The following TRIM69 variants were observed in gnomAD, a reference collection of about 807,000 sequenced individuals.
The protein encoded by TRIM69 is tripartite motif containing 69.
A neutral mutation model predicts 37.7 loss-of-function variants in TRIM69; 29 were observed. The ratio of observed to expected loss-of-function variants is 0.77; its 90% CI spans 0.57 to 1.05. TRIM69 has a LOEUF of 1.05. Among genes scored for constraint, TRIM69 ranks in the 50% least tolerant of loss-of-function variants. TRIM69 has a pLI of 0.00. For synonymous variants in TRIM69, 209 were observed against 212.4 expected (o/e 0.98, Z 0.14); for missense variants, 596 against 579.9 (o/e 1.03, Z -0.28).
chr15:44,744,153 T>G (rs1457120632), intron 1 of TRIM69, among the ~76,000 whole-genome samples: 13 of 151,178 alleles, frequency 8.6e-5, no homozygotes, highest in African/African-American at 1.7e-4. Flanking sequence ...CATGTCCTTT[T>G]TAGGGACATG....
chr15:44,741,058 A>C (rs2087273074), intron 1 of TRIM69, among the ~76,000 whole-genome samples: 1 of 150,366 alleles, frequency 6.7e-6, no homozygotes, highest in Non-Finnish European at 1.5e-5. Context: ...TTGACCACAT[A>C]GTTGGAAGTA....
Position 44,758,815 on chromosome 15 carries a change from G to A in TRIM69, c.774G>A (p.Gln258=). The part of the protein sequence containing the change: ...LLAKDMLVSI[Q]AKTEQQNSFD... ...CCAAGGATATGTTGGTGAGCATTCA[G>A]GCAAAGACGGAACAACAGAACTCCT... The change falls in exon 4 of 7, where the codon CAG becomes CAA. Residue 258 remains glutamine (Q), a synonymous_variant. Coordinates refer to ENST00000329464, the MANE Select transcript of TRIM69 (RefSeq NM_182985.5). 2 of 1,614,012 alleles carry A rather than the reference G, an allele frequency of 1.2e-6. No individual in the cohort carries two copies. The highest frequency in any genetic ancestry group is 1.6e-4 in the Middle Eastern group (1 of 6,062).
chr15:44,762,212 C>T (rs56245413), intron 6 of TRIM69, among the ~76,000 whole-genome samples: 15,751 of 152,130 alleles, frequency 0.1, 997 homozygotes, highest in Middle Eastern at 0.25. Flanking sequence ...GTGATCTGCC[C>T]GCCTCGGCCT....
rs376529781 is a variant in TRIM69, at chr15:44,767,782, A to G, written c.*10A>G. ...CTTACATCCACAGTAATGAGTCATA[A>G]TATTATACAAATTCAGAGTGTTATT... On this transcript the variant is annotated 3_prime_UTR_variant, in exon 7 of 7. Transcript: ENST00000329464. 1 of 1,593,034 alleles carries G rather than the reference A, an allele frequency of 6.3e-7. No individual in the cohort carries two copies. The highest frequency in any genetic ancestry group is 1.7e-5 in the Admixed American group (1 of 57,796).
chr15:44,751,308 G>A (rs887744108), intron 1 of TRIM69, among the ~76,000 whole-genome samples: 2 of 152,004 alleles, frequency 1.3e-5, no homozygotes, highest in African/African-American at 2.4e-5. Flanking sequence ...TAGAGATGGG[G>A]TTTCACCACA....
At chr15:44,741,869 G>A (rs1277468275) in intron 1 of TRIM69, among the ~76,000 whole-genome samples, 1 of 152,204 alleles carries the variant, frequency 6.6e-6, no homozygotes, top group Non-Finnish European at 1.5e-5. Flanking sequence ...TGGATTCACA[G>A]CCGAATTCTA....
intron 1 of TRIM69, among the ~76,000 whole-genome samples, chr15:44,738,050 C>CTTTTTTTTTTTTTTTTTTTTTTT (rs772041054): frequency 1.7e-5 from 2 of 118,020 alleles, no homozygotes; most frequent in African/African-American, 6.7e-5. Flanking sequence ...TACTTTCTTT[C>CTTTTTTTTTTTTTTTTTTTTTTT]TTTCTTTTTT....
intron 1 of TRIM69, among the ~76,000 whole-genome samples, chr15:44,751,575 A>G (rs2087532642): frequency 6.6e-6 from 1 of 150,456 alleles, no homozygotes; most frequent in Non-Finnish European, 1.5e-5. Context: ...TCTATTCTTT[A>G]CTCTTTCCTT....
At chr15:44,763,221 T>C (rs1005215079) in intron 6 of TRIM69, among the ~76,000 whole-genome samples, 3 of 152,206 alleles carry the variant, frequency 2.0e-5, no homozygotes, top group Non-Finnish European at 4.4e-5. Flanking sequence ...GCTTGCCTTA[T>C]TTTTTATGAC....
intron 1 of TRIM69, among the ~76,000 whole-genome samples, chr15:44,742,385 G>A (rs1327591862): frequency 7.0e-6 from 1 of 142,960 alleles, no homozygotes; most frequent in Non-Finnish European, 1.5e-5. Flanking sequence ...AAAACTGGAA[G>A]CATTCCCTTT....
intron 1 of TRIM69, among the ~76,000 whole-genome samples, chr15:44,744,978 AAG>A (rs1491566654): frequency 4.6e-5 from 7 of 151,922 alleles, no homozygotes; most frequent in African/African-American, 1.7e-4. Flanking sequence ...AGGCTGGGGA[AAG>A]AGTTATTTTG....
chr15:44,742,674 A>ACAGC (rs1436119889), intron 1 of TRIM69, among the ~76,000 whole-genome samples: 1 of 16,608 alleles, frequency 6.0e-5, no homozygotes, highest in African/African-American at 1.1e-4. Flanking sequence ...TACACCAATA[A>ACAGC]CAAACAGAGA....
In TRIM69 at chr15:44,767,261, C is replaced by G. The variant is rs1183466791; in HGVS notation, c.992C>G (p.Thr331Arg). The G allele has an allele frequency of 2.2e-5, 35 of 1,613,646 alleles. No individual in the cohort carries two copies. The highest frequency in any genetic ancestry group is 2.9e-5 in the Non-Finnish European group (34 of 1,179,962). ...TCTCCACTAACTCTGGACCCTAAAACAGCTCACCCAAATCTGGTGCTCTCC... is the reference window on the plus strand; with the variant it reads ...TCTCCACTAACTCTGGACCCTAAAAGAGCTCACCCAAATCTGGTGCTCTCC... ...GLSPLTLDPK[T>R]AHPNLVLSKS... The change falls in exon 7 of 7, where the codon ACA (threonine) becomes AGA (arginine). Residue 331 changes from threonine to arginine, a missense_variant. Physicochemically the swap from Thr to Arg is moderately conservative, Grantham distance 71 (BLOSUM62 -1). Transcript: ENST00000329464.
At position 44,759,829 on chromosome 15, in the gene TRIM69, C is replaced by T; in HGVS notation, c.918C>T (p.Ile306=). The stretch of plus-strand genomic sequence containing the variant: ...ACCTGGGCCAGTACAAAGGTCCTAT[C>T]CAGTACATGGTATGGAGGGAAATGC... The part of the protein sequence containing the change: ...KLNLGQYKGP[I]QYMVWREMQD... Residue 306 remains isoleucine (I), a synonymous_variant, in exon 6 of 7, where the codon ATC becomes ATT. Coordinates refer to ENST00000329464, the MANE Select transcript of TRIM69 (RefSeq NM_182985.5). 6.2e-7 allele frequency: 1 copy of T among 1,614,134 alleles called. No homozygotes were observed. Among genetic ancestry groups the T allele is most frequent in the Non-Finnish European group, 8.5e-7 (1 of 1,180,014 alleles).
rs555692807 is a variant in TRIM69 at position 44,737,581 on chromosome 15, C to T, written c.6+871C>T. ...TTTCCCATTACTTCAGATGTTCAGGCAGAGGTTGGAAAGGAGTGAATTAAA... is the reference window on the plus strand; with the variant it reads ...TTTCCCATTACTTCAGATGTTCAGGTAGAGGTTGGAAAGGAGTGAATTAAA... On this transcript the variant is annotated intron_variant, in intron 1 of 6. Transcript: ENST00000329464. Among the ~76,000 whole-genome samples, 4 of 152,280 alleles carry T rather than the reference C, an allele frequency of 2.6e-5. No individual in the cohort carries two copies. In the East Asian group the frequency reaches 7.7e-4, roughly 29 times the overall value.
At chr15:44,767,082 A>AAAAAAAAAAAAAAG (rs1566902679) in intron 6 of TRIM69, 149 bp from the exon 7 acceptor site, 2 of 391,714 alleles carry the variant, frequency 5.1e-6, no homozygotes, top group Non-Finnish European at 4.5e-6. Flanking sequence ...AAAAAAAAAA[A>AAAAAAAAAAAAAAG]AAGCATATAA....
At chr15:44,751,306 G>C (rs1442703299) in intron 1 of TRIM69, among the ~76,000 whole-genome samples, 1 of 151,970 alleles carries the variant, frequency 6.6e-6, no homozygotes, top group Admixed American at 6.6e-5. Flanking sequence ...AGTAGAGATG[G>C]GGTTTCACCA....
chr15:44,763,103 T>C (rs2087812913), intron 6 of TRIM69, among the ~76,000 whole-genome samples: 1 of 152,338 alleles, frequency 6.6e-6, no homozygotes, highest in East Asian at 1.9e-4. Context: ...TAGATTTTCT[T>C]AGTTTTTACC....
At chr15:44,761,091 T>A (rs2087765637) in intron 6 of TRIM69, among the ~76,000 whole-genome samples, 1 of 152,088 alleles carries the variant, frequency 6.6e-6, no homozygotes, top group South Asian at 2.1e-4. Context: ...CTAATTTTTT[T>A]ATATTTTCAG....
Sources: gnomAD v4.1 joint callset for allele counts (sites outside exome capture counted in the v4.1 genomes callset) on GRCh38, gnomAD v4.1.1 for gene constraint, MANE v1.5 for transcripts, NCBI Gene and HGNC (gene_info 2026-07-23, HGNC 2026-07-21) for gene names.